RANBP17: variants seen among roughly 807,000 people sequenced by gnomAD.
RANBP17 encodes the protein ran-binding protein 17.
In RANBP17, 158 loss-of-function variants were observed where a neutral mutation model predicts 141.2. That is an observed-to-expected ratio of 1.12 (90% CI 0.98 to 1.28). RANBP17 has a LOEUF of 1.28. Among genes scored for constraint, RANBP17 ranks in the 50% most tolerant of loss-of-function variants. RANBP17 has a pLI of 0.00. For missense variants in RANBP17, 1,438 were observed against 1,290.7 expected, an observed-to-expected ratio of 1.11 and a Z score of -1.75; for synonymous variants, 430 against 450.0, an observed-to-expected ratio of 0.96 and a Z score of 0.56.
intron 22 of RANBP17, among the ~76,000 whole-genome samples, chr5:171,224,238 A>G (rs1168833232): frequency 1.3e-5 from 2 of 152,200 alleles, no homozygotes; most frequent in Admixed American, 1.3e-4. Flanking sequence ...TCTCTTATTT[A>G]AAGGAAATAA....
chr5:171,073,159 T>C (rs1353992534), intron 14 of RANBP17, among the ~76,000 whole-genome samples: 1 of 152,074 alleles, frequency 6.6e-6, no homozygotes, highest in Admixed American at 6.6e-5. Flanking sequence ...ACTTTCCTGG[T>C]GTAAATTAAA....
At chr5:171,196,194 A>G (rs1322240769) in intron 18 of RANBP17, among the ~76,000 whole-genome samples, 1 of 152,176 alleles carries the variant, frequency 6.6e-6, no homozygotes, top group Non-Finnish European at 1.5e-5. Flanking sequence ...GGGAACTGTG[A>G]TTACCATTTT....
chr5:171,116,476 T>C (rs961500832), intron 14 of RANBP17, among the ~76,000 whole-genome samples: 10 of 152,230 alleles, frequency 6.6e-5, no homozygotes, highest in Non-Finnish European at 1.5e-4. Flanking sequence ...TCCTGAGCAC[T>C]GTCTTACTAG....
chr5:171,258,842 C>G (rs947198548), intron 24 of RANBP17, among the ~76,000 whole-genome samples: 2 of 152,040 alleles, frequency 1.3e-5, no homozygotes, highest in African/African-American at 4.8e-5. Flanking sequence ...ACAAAGACCT[C>G]CAAAACACAG....
At chr5:171,063,393 C>T (rs1784052226) in intron 14 of RANBP17, among the ~76,000 whole-genome samples, 1 of 152,222 alleles carries the variant, frequency 6.6e-6, no homozygotes, top group African/African-American at 2.4e-5. Context: ...GGACCCTCAG[C>T]TGCAGGTCTG....
chr5:171,100,206 A>C (rs1425809816), intron 14 of RANBP17, among the ~76,000 whole-genome samples: 1 of 152,180 alleles, frequency 6.6e-6, no homozygotes, highest in Non-Finnish European at 1.5e-5. Context: ...TACCTCTGGT[A>C]GAATTTGGCT....
intron 12 of RANBP17, among the ~76,000 whole-genome samples, chr5:170,934,276 C>T (rs1160905567): frequency 6.6e-6 from 1 of 152,196 alleles, no homozygotes; most frequent in African/African-American, 2.4e-5. Flanking sequence ...GTAGATCTTC[C>T]TCCATCCCTT....
chr5:171,204,725 A>G (rs1762475593), intron 19 of RANBP17, among the ~76,000 whole-genome samples: 1 of 152,168 alleles, frequency 6.6e-6, no homozygotes, highest in South Asian at 2.1e-4. Context: ...GATCTCTTCT[A>G]TTCAAGAGTC....
At position 170,924,506 on chromosome 5, in the gene RANBP17, T is replaced by C; in HGVS notation, c.1424T>C (p.Leu475Pro). 3 of 1,611,972 alleles carry C rather than the reference T, an allele frequency of 1.9e-6. No individual in the cohort carries two copies. The highest frequency in any genetic ancestry group is 2.5e-6 in the Non-Finnish European group (3 of 1,178,582). ...AATGCACAGAATTACCAAAAACTTC[T>C]GCATCCATATTCTGGTGTAACTGTG... ...DQNAQNYQKL[L>P]HPYSGVTVDI... is the part of the protein sequence containing the mutation. The change falls in exon 12 of 28, where the codon CTG (leucine) becomes CCG (proline). Residue 475 changes from leucine to proline, a missense_variant. Transcript: ENST00000523189.
intron 14 of RANBP17, among the ~76,000 whole-genome samples, chr5:171,151,118 G>T (rs1156305332): frequency 6.6e-6 from 1 of 151,978 alleles, no homozygotes; most frequent in South Asian, 2.1e-4. Context: ...ACATTTTTTT[G>T]ACCTTTGTCA....
At chr5:171,148,652 A>T (rs909678726) in intron 14 of RANBP17, among the ~76,000 whole-genome samples, 6 of 152,152 alleles carry the variant, frequency 3.9e-5, no homozygotes, top group Admixed American at 3.9e-4. Flanking sequence ...TCATATATAT[A>T]AAGTAATTGG....
At chr5:171,180,929 GA>G (rs1407383632) in intron 16 of RANBP17, among the ~76,000 whole-genome samples, 1 of 152,144 alleles carries the variant, frequency 6.6e-6, no homozygotes, top group African/African-American at 2.4e-5. Flanking sequence ...GCACTGACAG[GA>G]AGATTCCTAT....
chr5:171,035,737 G>GTTTTTT (rs781327156), intron 14 of RANBP17, among the ~76,000 whole-genome samples: 1 of 95,392 alleles, frequency 1.0e-5, no homozygotes, highest in Non-Finnish European at 2.5e-5. Flanking sequence ...TTCTTTTTTT[G>GTTTTTT]TTTTTTTTTT....
chr5:171,213,098 A>G (rs1407987281), intron 20 of RANBP17, among the ~76,000 whole-genome samples: 1 of 152,192 alleles, frequency 6.6e-6, no homozygotes, highest in African/African-American at 2.4e-5. Flanking sequence ...AGAGCAATTC[A>G]ACAATATTTT....
chr5:171,128,018 TGTG>T (rs1280754530), intron 14 of RANBP17, among the ~76,000 whole-genome samples: 1 of 151,946 alleles, frequency 6.6e-6, no homozygotes, highest in Non-Finnish European at 1.5e-5. Context: ...ATTAGCCAGT[TGTG>T]GTGGCGGGCA....
At chr5:170,954,730 T>G (rs950852488) in intron 13 of RANBP17, among the ~76,000 whole-genome samples, 4 of 152,224 alleles carry the variant, frequency 2.6e-5, no homozygotes, top group African/African-American at 7.2e-5. Flanking sequence ...TATATCTTTA[T>G]GTAGACTGAA....
intron 6 of RANBP17, 67 bp from the exon 7 acceptor site, chr5:170,910,902 T>A: frequency 1.4e-6 from 2 of 1,451,574 alleles, no homozygotes; most frequent in Non-Finnish European, 9.5e-7. Context: ...AAAATTATTT[T>A]AATTCATGAA....
chr5:170,992,830 G>T (rs577263954), intron 14 of RANBP17, among the ~76,000 whole-genome samples: 3 of 152,092 alleles, frequency 2.0e-5, no homozygotes, highest in Non-Finnish European at 2.9e-5. Flanking sequence ...TCAAACTGAG[G>T]TCCCAGATTA....
At chr5:171,208,770 C>T (rs773726141) in intron 20 of RANBP17, among the ~76,000 whole-genome samples, 22 of 152,152 alleles carry the variant, frequency 1.4e-4, no homozygotes, top group African/African-American at 3.6e-4. Flanking sequence ...ATCACAATTT[C>T]GCTTTCCATA....
Sources: allele counts gnomAD v4.1 joint callset (sites outside exome capture counted in the v4.1 genomes callset), GRCh38; gene constraint gnomAD v4.1.1; transcripts MANE v1.5; gene names NCBI Gene and HGNC (gene_info 2026-07-23, HGNC 2026-07-21).